OTUD6B: variants seen among roughly 807,000 people sequenced by gnomAD.
OTUD6B encodes the protein deubiquitinase OTUD6B.
In OTUD6B, 41 loss-of-function variants were observed where a neutral mutation model predicts 36.9. The ratio of observed to expected loss-of-function variants is 1.11; its 90% CI spans 0.87 to 1.44. The LOEUF (loss-of-function observed/expected upper bound fraction) is 1.44. OTUD6B is among the 40% of genes most tolerant of loss of function. OTUD6B has a pLI of 0.00. For synonymous variants in OTUD6B, 114 were observed against 114.2 expected (o/e 1.00, Z 0.01); for missense variants, 356 against 344.8 (o/e 1.03, Z -0.26).
chr8:91,079,592 T>TG (rs1470797797), intron 4 of OTUD6B, among the ~76,000 whole-genome samples: 2 of 152,176 alleles, frequency 1.3e-5, no homozygotes, highest in Non-Finnish European at 1.5e-5. Context: ...ACTTATCTCT[T>TG]GCTGTTTTAG....
rs891393152 is a variant in OTUD6B, at chr8:91,086,899, T to G, written c.*2031T>G. On this transcript the variant is annotated 3_prime_UTR_variant, in exon 7 of 7. Coordinates refer to ENST00000404789, the MANE Select transcript of OTUD6B (RefSeq NM_016023.5). ...GGTCTAATGGAAGTTACATATGCTT[T>G]CTTTTGTCCTAACTCTGAAAAGTAT... is the stretch of plus-strand genomic sequence containing the variant. 2 of 152,110 alleles carry G rather than the reference T, an allele frequency of 1.3e-5. No homozygotes were observed. Among genetic ancestry groups the G allele is most frequent in the East Asian group, 3.8e-4 (2 of 5,202 alleles). The allele number at this position is 152,110 out of a possible 1,614,324, so 9.4% of individuals were successfully genotyped here.
chr8:91,071,222 A>G lies in OTUD6B; in HGVS notation c.167A>G (p.Glu56Gly), dbSNP rs374827823. The G allele has an allele frequency of 6.2e-7, 1 of 1,613,850 alleles. No homozygotes were observed. Among genetic ancestry groups the G allele is most frequent in the Non-Finnish European group, 8.5e-7 (1 of 1,179,734 alleles). ...CTCACCGAAGATGTGGCCAAGTTGG[A>G]AAAAGAAATGGAACAGAAACATAGA... ...KQLTEDVAKLEKEMEQKHREE... is the reference protein window; with the variant it reads ...KQLTEDVAKLGKEMEQKHREE... Residue 56 changes from glutamate to glycine, a missense_variant, in exon 2 of 7, where the codon GAA (glutamate) becomes GGA (glycine). Transcript: ENST00000404789.
chr8:91,084,970 C>G lies in OTUD6B; in HGVS notation c.*102C>G, dbSNP rs1812985326. ...AAATGCTACTGAAAAACACAACTAC[C>G]TTATATCAGTTTTATGGCAAAGCTA... On this transcript the variant is annotated 3_prime_UTR_variant, in exon 7 of 7. Transcript: ENST00000404789. 1 of 469,210 alleles carries G rather than the reference C, an allele frequency of 2.1e-6. No individual in the cohort carries two copies. Among genetic ancestry groups the G allele is most frequent in the Admixed American group, 4.2e-5 (1 of 23,692 alleles). The allele number at this position is 469,210 out of a possible 1,614,324, so 29.1% of individuals were successfully genotyped here. A position where few individuals can be genotyped will look rare whatever the true frequency, so the allele number is the denominator to read the frequency against.
In OTUD6B at chr8:91,086,673, T is replaced by C. The variant is rs1813022407; in HGVS notation, c.*1805T>C. The C allele has an allele frequency of 6.6e-6, 1 of 152,102 alleles. No homozygotes were observed. Among genetic ancestry groups the C allele is most frequent in the Non-Finnish European group, 1.5e-5 (1 of 67,966 alleles). The allele number at this position is 152,102 out of a possible 1,614,324, so 9.4% of individuals were successfully genotyped here. A position where few individuals can be genotyped will look rare whatever the true frequency, so the allele number is the denominator to read the frequency against. On this transcript the variant is annotated 3_prime_UTR_variant, in exon 7 of 7. Transcript: ENST00000404789. ...ACAAGATTTAGAATCTTTTTGGTTA[T>C]ATGTCTATTTTTCAATTTTGTTATA... is the stretch of plus-strand genomic sequence containing the variant.
intron 2 of OTUD6B, 176 bp from the exon 3 acceptor site, chr8:91,073,655 A>T: frequency 1.7e-6 from 1 of 579,066 alleles, no homozygotes; most frequent in South Asian, 7.7e-5. Context: ...TTTGAAAGAA[A>T]CTTCTTGGGA....
chr8:91,076,806 A>G (rs983785152), intron 3 of OTUD6B: 3 of 702,454 alleles, frequency 4.3e-6, no homozygotes, highest in Admixed American at 2.0e-5. Context: ...GTGTTTTAAG[A>G]TATTATGCCT....
In OTUD6B at chr8:91,078,847, A is replaced by G. The variant is rs540917499; in HGVS notation, c.628+179A>G. The G allele has an allele frequency of 5.4e-5, 24 of 444,048 alleles. No individual in the cohort carries two copies. In the East Asian group the frequency reaches 7.8e-4, roughly 15 times the overall value. The allele number at this position is 444,048 out of a possible 1,614,324, so 27.5% of individuals were successfully genotyped here. A position where few individuals can be genotyped will look rare whatever the true frequency, so the allele number is the denominator to read the frequency against. On this transcript the variant is annotated intron_variant, in intron 4 of 6. Transcript: ENST00000404789. ...AATAGATGTTGGTGTATTTTTCTCT[A>G]TTAAGATTTCTTAATTACTTAGTTA...
chr8:91,078,082 C>T (rs551840053), intron 3 of OTUD6B: 3 of 188,580 alleles, frequency 1.6e-5, no homozygotes, highest in African/African-American at 7.1e-5. Flanking sequence ...TTTTTAGAAA[C>T]TTGGCATGTA....
intron 5 of OTUD6B, 129 bp downstream of exon 5, chr8:91,080,859 C>T (rs1812891826): frequency 9.0e-6 from 6 of 668,634 alleles, no homozygotes; most frequent in Non-Finnish European, 1.5e-5. Flanking sequence ...TATATTTGCT[C>T]TTCTCAACTG....
chr8:91,070,580 C>A, intron 1 of OTUD6B, 114 bp downstream of exon 1: 1 of 979,874 alleles, frequency 1.0e-6, no homozygotes, highest in Non-Finnish European at 1.5e-6. Context: ...CCTAGACTTC[C>A]CCTAGTAGCA....
rs1202210491 is a variant in OTUD6B, at chr8:91,086,142, G to A, written c.*1274G>A. 6.6e-6 allele frequency: 1 copy of A among 151,996 alleles called. No homozygotes were observed. The highest frequency in any genetic ancestry group is 1.9e-4 in the East Asian group (1 of 5,196). 9.4% of individuals were successfully genotyped at this position (151,996 alleles called of 1,614,324 possible). A position where few individuals can be genotyped will look rare whatever the true frequency, so the allele number is the denominator to read the frequency against. ...ATATTATGAAAATGAGACTTTTTTA[G>A]TTTGATGTGTGTTTCCCAAACTAGA... On this transcript the variant is annotated 3_prime_UTR_variant, in exon 7 of 7. Transcript: ENST00000404789.
chr8:91,073,453 A>G (rs1436507614), intron 2 of OTUD6B, among the ~76,000 whole-genome samples: 1 of 152,172 alleles, frequency 6.6e-6, no homozygotes, highest in African/African-American at 2.4e-5. Flanking sequence ...CTCTGCTGCC[A>G]GTAGAGGTTA....
rs138060395 is a variant in OTUD6B, at chr8:91,081,256, G to A, written c.690+526G>A. On this transcript the variant is annotated intron_variant, in intron 5 of 6. Coordinates refer to ENST00000404789, the MANE Select transcript of OTUD6B (RefSeq NM_016023.5). ...ACTGACTTACTTGAAAGCAGTAGTT[G>A]GTGCATTAAATTCATATGTAAGAAA... Among the ~76,000 whole-genome samples, 5 of 151,560 alleles carry A rather than the reference G, an allele frequency of 3.3e-5. No individual in the cohort carries two copies. The East Asian group carries it at 9.7e-4, about 29-fold the overall frequency.
intron 2 of OTUD6B, among the ~76,000 whole-genome samples, chr8:91,072,854 A>G (rs1333414729): frequency 6.6e-6 from 1 of 152,230 alleles, no homozygotes; most frequent in Non-Finnish European, 1.5e-5. Context: ...GTTAAAACAC[A>G]AACTCCCATT....
chr8:91,080,224 C>T (rs770847360), intron 4 of OTUD6B, among the ~76,000 whole-genome samples: 5 of 152,082 alleles, frequency 3.3e-5, no homozygotes, highest in African/African-American at 7.2e-5. Context: ...TACTTTTACT[C>T]GAATTCTCTT....
intron 2 of OTUD6B, 54 bp downstream of exon 2, chr8:91,071,343 C>T: frequency 7.5e-7 from 1 of 1,338,874 alleles, no homozygotes; most frequent in Non-Finnish European, 1.0e-6. Flanking sequence ...CAGCTGTCCA[C>T]TTCTGTTAAA....
intron 3 of OTUD6B, among the ~76,000 whole-genome samples, chr8:91,077,127 A>G (rs1238154071): frequency 6.6e-6 from 1 of 152,074 alleles, no homozygotes; most frequent in Non-Finnish European, 1.5e-5. Flanking sequence ...TAATGTCAAA[A>G]TTTATATAAC....
intron 3 of OTUD6B, among the ~76,000 whole-genome samples, chr8:91,076,002 AAG>A (rs1157681930): frequency 1.3e-5 from 2 of 151,298 alleles, no homozygotes; most frequent in African/African-American, 4.8e-5. Flanking sequence ...ATATGAGAGA[AAG>A]AGTCTAAAAT....
At chr8:91,071,341 C>T (rs1430014012) in intron 2 of OTUD6B, 52 bp downstream of exon 2, 40 of 1,402,246 alleles carry the variant, frequency 2.9e-5, no homozygotes, top group Non-Finnish European at 3.7e-5. Context: ...AACAGCTGTC[C>T]ACTTCTGTTA....
Sources: allele counts gnomAD v4.1 joint callset (sites outside exome capture counted in the v4.1 genomes callset), GRCh38; gene constraint gnomAD v4.1.1; transcripts MANE v1.5; gene names NCBI Gene and HGNC (gene_info 2026-07-23, HGNC 2026-07-21).